SHC2: variants seen among roughly 807,000 people sequenced by gnomAD.
SHC2 encodes SHC adaptor protein 2, also known as SHC-transforming protein 2.
Under a neutral mutation model 60.6 loss-of-function variants are expected in SHC2, and 62 were observed. That is an observed-to-expected ratio of 1.02 (90% CI 0.83 to 1.26). The LOEUF is 1.26. Among genes scored for constraint, SHC2 ranks in the 50% most tolerant of loss-of-function variants. SHC2 has a pLI of 0.00. For missense variants in SHC2, 873 were observed against 822.2 expected, an observed-to-expected ratio of 1.06 and a Z score of -0.76; for synonymous variants, 375 against 372.4, an observed-to-expected ratio of 1.01 and a Z score of -0.08.
Position 419,023 on chromosome 19 carries a change from T to C in SHC2, c.1654A>G (p.Ser552Gly), listed in dbSNP as rs1203887658. 6.3e-7 allele frequency: 1 copy of C among 1,586,874 alleles called. No homozygotes were observed. Among genetic ancestry groups the C allele is most frequent in the South Asian group, 1.2e-5 (1 of 86,780 alleles). Residue 552 changes from serine (S) to glycine (G), a missense_variant, in exon 12 of 13, where the codon AGC becomes GGC. Transcript: ENST00000264554. ...TGCAGGTGGTGGTCGATCAGGTGGC[T>C]GATGCTCTCAAACAGCACGTCCTTC... ...RTKDVLFESI[S>G]HLIDHHLQNG... is the part of the protein sequence containing the mutation.
Position 421,884 on chromosome 19 carries a change from C to T in SHC2, c.1620+262G>A, listed in dbSNP as rs550413653. ...ACGACTGTGCCACTGCAGTCCAGCC[C>T]GGGTGACAGAGCCAGACTCTGTCTC... On this transcript the variant is annotated intron_variant, in intron 11 of 12. Coordinates refer to ENST00000264554, the MANE Select transcript of SHC2 (RefSeq NM_012435.3). Among the ~76,000 whole-genome samples the T allele has an allele frequency of 4.6e-5, 7 of 152,284 alleles. No homozygotes were observed. The East Asian group carries it at 7.7e-4, about 17-fold the overall frequency.
In SHC2 at chr19:458,548, G is replaced by A. The variant is rs953679869; in HGVS notation, c.468+1981C>T. Among the ~76,000 whole-genome samples, 4 of 141,692 alleles carry A rather than the reference G, an allele frequency of 2.8e-5. 1 individual carries two copies. Among genetic ancestry groups the A allele is most frequent in the Non-Finnish European group, 6.2e-5 (4 of 64,310 alleles). 93.0% of individuals were successfully genotyped at this position (141,692 alleles called of 152,430 possible). On this transcript the variant is annotated intron_variant, in intron 1 of 12. Coordinates refer to ENST00000264554, the MANE Select transcript of SHC2 (RefSeq NM_012435.3). The stretch of plus-strand genomic sequence containing the variant: ...CTGGGGAGGCGGATTCGGGTTCCGG[G>A]GAGGTGGAAGCGGGTCCTGGGGAGG...
At chr19:447,923 G>A (rs377222882) in intron 1 of SHC2, among the ~76,000 whole-genome samples, 1 of 152,234 alleles carries the variant, frequency 6.6e-6, no homozygotes, top group South Asian at 2.1e-4. Context: ...TAAAACCAGT[G>A]CGTGAAGGTT....
At position 446,775 on chromosome 19, in the gene SHC2, G is replaced by A. The variant is rs143198013; in HGVS notation, c.469-5843C>T. On this transcript the variant is annotated intron_variant, in intron 1 of 12. Transcript: ENST00000264554. This position sits in a 1 kb window ranked among gnomAD's most constrained non-coding sequence, Gnocchi z 5.4. The stretch of plus-strand genomic sequence containing the variant: ...CATGACCCAGAACCCACCCCAGGAC[G>A]TTAAGGGAAGGAGCCACTGTACAAG... Among the ~76,000 whole-genome samples the A allele has an allele frequency of 1.3e-3, 191 of 152,248 alleles. No homozygotes were observed. Among genetic ancestry groups the A allele is most frequent in the African/African-American group, 4.5e-3 (186 of 41,564 alleles).
In SHC2 at chr19:460,843, GCGC is replaced by G; in HGVS notation, c.151_153del (p.Ala51del). The G allele has an allele frequency of 1.0e-6, 1 of 982,628 alleles. No homozygotes were observed. The highest frequency in any genetic ancestry group is 1.2e-6 in the Non-Finnish European group (1 of 830,154). The allele number at this position is 982,628 out of a possible 1,614,324, so 60.9% of individuals were successfully genotyped here. A position where few individuals can be genotyped will look rare whatever the true frequency, so the allele number is the denominator to read the frequency against. ...GCGCCCCCCGAGGCCCCAGCCGCCC[GCGC>G]CGCCGCCGGGCCGCGGCCCAGGAAG... On this transcript the variant is annotated inframe_deletion, in exon 1 of 13. Transcript: ENST00000264554.
At chr19:437,717 TGCCCCTCACC>T (rs1319574641) in intron 4 of SHC2, among the ~76,000 whole-genome samples, 3 of 152,096 alleles carry the variant, frequency 2.0e-5, no homozygotes, top group Non-Finnish European at 4.4e-5. Context: ...GAGCCCCAGC[TGCCCCTCACC>T]GCCACCTGCT....
intron 1 of SHC2, among the ~76,000 whole-genome samples, chr19:447,236 T>C (rs1299385332): frequency 1.3e-5 from 2 of 151,294 alleles, no homozygotes; most frequent in African/African-American, 4.9e-5. Flanking sequence ...TGATCCCATT[T>C]CTATGAAGTG....
intron 1 of SHC2, among the ~76,000 whole-genome samples, chr19:452,172 G>C (rs1474925374): frequency 2.0e-5 from 3 of 151,180 alleles, no homozygotes; most frequent in South Asian, 4.2e-4. Context: ...GTACTGACTT[G>C]GGGGGAATTC....
At chr19:443,357 G>C (rs1168697651) in intron 1 of SHC2, among the ~76,000 whole-genome samples, 1 of 149,650 alleles carries the variant, frequency 6.7e-6, no homozygotes, top group African/African-American at 2.5e-5. Context: ...TAGGTGGATG[G>C]GTGGATGGAC....
chr19:429,919 A>G (rs1211339551), intron 9 of SHC2, among the ~76,000 whole-genome samples: 1 of 146,980 alleles, frequency 6.8e-6, no homozygotes, highest in Non-Finnish European at 1.5e-5. Context: ...TACCGTGTGG[A>G]TGACACAGTA....
chr19:425,231 G>T lies in SHC2; in HGVS notation c.1175C>A (p.Ala392Asp). 1.5e-6 allele frequency: 2 copies of T among 1,330,850 alleles called. No homozygotes were observed. Among genetic ancestry groups the T allele is most frequent in the Non-Finnish European group, 1.9e-6 (2 of 1,031,340 alleles). The allele number at this position is 1,330,850 out of a possible 1,614,324, so 82.4% of individuals were successfully genotyped here. The change falls in exon 10 of 13, where the codon GCT becomes GAT. Residue 392 changes from alanine to aspartate, a missense_variant and splice_region_variant. By Grantham distance (126) the Ala-to-Asp change is moderately radical. Transcript: ENST00000264554. The surrounding 1 kb of genome is among the most constrained non-coding windows in gnomAD (Gnocchi z 4.1). The stretch of plus-strand genomic sequence containing the variant: ...CTGCACGTAGCCGTCCCCCGGTGGA[G>T]CTGGGGAGTGTAAAGAGGGGCAGGG... ...LPWDVGSTGT[A>D]PPGDGYVQAD...
chr19:436,648 G>C lies in SHC2; in HGVS notation c.756C>G (p.Phe252Leu), dbSNP rs377169131. The change falls in exon 5 of 13, where the codon TTC becomes TTG. Residue 252 changes from phenylalanine (F) to leucine (L), a missense_variant. Coordinates refer to ENST00000264554, the MANE Select transcript of SHC2 (RefSeq NM_012435.3). Reference sequence around the variant, plus strand: ...GCCTCACCGTGTCTCCGCCTGACGCGAAGGAGATGGACGGCATGTGGTGGT... The same window carrying C: ...GCCTCACCGTGTCTCCGCCTGACGCCAAGGAGATGGACGGCATGTGGTGGT... ...IANHHMPSIS[F>L]ASGGDTDMTD... is the part of the protein sequence containing the mutation. 1 of 1,607,334 alleles carries C rather than the reference G, an allele frequency of 6.2e-7. No individual in the cohort carries two copies. The highest frequency in any genetic ancestry group is 1.3e-5 in the African/African-American group (1 of 74,904).
chr19:431,032 G>T (rs149213980), intron 8 of SHC2, among the ~76,000 whole-genome samples: 5 of 152,216 alleles, frequency 3.3e-5, no homozygotes, highest in Non-Finnish European at 5.9e-5. Flanking sequence ...TCCCCGCTCT[G>T]CTCTCCCAGG....
At position 455,956 on chromosome 19, in the gene SHC2, G is replaced by GA. The variant is rs199908250; in HGVS notation, c.468+4572_468+4573insT. 7.7e-3 allele frequency among the ~76,000 whole-genome samples: 1,002 copies of GA among 130,962 alleles called. 5 individuals are homozygous for GA. The highest frequency in any genetic ancestry group is 0.022 in the African/African-American group (555 of 25,576). 85.9% of individuals were successfully genotyped at this position (130,962 alleles called of 152,430 possible). On this transcript the variant is annotated intron_variant, in intron 1 of 12. Coordinates refer to ENST00000264554, the MANE Select transcript of SHC2 (RefSeq NM_012435.3). Reference sequence around the variant, plus strand: ...GAGGGGCACCTTCACAGAATCCGAGGGTGGATGTGGACACGGGGCCGTTGC... The same window carrying GA: ...GAGGGGCACCTTCACAGAATCCGAGGAGTGGATGTGGACACGGGGCCGTTGC...
chr19:452,912 G>T (rs1975236121), intron 1 of SHC2, among the ~76,000 whole-genome samples: 1 of 152,302 alleles, frequency 6.6e-6, no homozygotes, highest in Non-Finnish European at 1.5e-5. Context: ...AAGCCAGTTT[G>T]GTGGCCCCGT....
rs1974558085 is a variant in SHC2 at position 430,609 on chromosome 19, G to A, written c.1174+75C>T. The stretch of plus-strand genomic sequence containing the variant: ...TAAGCAGAGAGGAGAAAGACTGAGG[G>A]GGAGCCAGCACAGGACAGGGCTGAG... On this transcript the variant is annotated intron_variant, in intron 9 of 12. Coordinates refer to ENST00000264554, the MANE Select transcript of SHC2 (RefSeq NM_012435.3). 3.4e-6 allele frequency: 4 copies of A among 1,175,198 alleles called. No individual in the cohort carries two copies. The East Asian group carries it at 7.4e-5, about 22-fold the overall frequency. The allele number at this position is 1,175,198 out of a possible 1,614,324, so 72.8% of individuals were successfully genotyped here.
Position 429,772 on chromosome 19 carries a change from A to G in SHC2, c.1174+912T>C, listed in dbSNP as rs527765819. The stretch of plus-strand genomic sequence containing the variant: ...TGCTCGGAAACCTAACACCGTGTGG[A>G]TGACGCAGTACCTATACCCAACATG... On this transcript the variant is annotated intron_variant, in intron 9 of 12. Transcript: ENST00000264554. Among the ~76,000 whole-genome samples, 13 of 149,680 alleles carry G rather than the reference A, an allele frequency of 8.7e-5. No individual in the cohort carries two copies. The South Asian group carries it at 2.4e-3, about 27-fold the overall frequency.
chr19:449,837 A>G (rs371098750), intron 1 of SHC2, among the ~76,000 whole-genome samples: 9 of 152,338 alleles, frequency 5.9e-5, no homozygotes, highest in African/African-American at 2.2e-4. Context: ...GTCTAGGTGA[A>G]TGACACATGG....
chr19:454,770 A>G (rs1975294317), intron 1 of SHC2, among the ~76,000 whole-genome samples: 1 of 149,808 alleles, frequency 6.7e-6, no homozygotes, highest in Non-Finnish European at 1.5e-5. Context: ...AGCCTCAGCA[A>G]CAAGAGGGAA....
Sources: gnomAD v4.1 joint callset for allele counts (sites outside exome capture counted in the v4.1 genomes callset) on GRCh38, gnomAD v4.1.1 for gene constraint, Gnocchi (gnomAD v3.1) non-coding constraint, MANE v1.5 for transcripts, NCBI Gene and HGNC (gene_info 2026-07-23, HGNC 2026-07-21) for gene names.